The following RASA3 variants were observed in gnomAD, a reference collection of about 807,000 sequenced individuals.
The protein encoded by RASA3 is ras GTPase-activating protein 3.
A neutral mutation model predicts 110.0 loss-of-function variants in RASA3; 73 were observed. The observed-to-expected ratio is 0.66, with a 90% CI of 0.55 to 0.81. RASA3 has a LOEUF of 0.81. RASA3 is among the 30% of genes least tolerant of loss of function. The pLI, the probability that RASA3 is intolerant of heterozygous loss-of-function variation, is 0.00. For missense variants in RASA3, 976 were observed against 1,113.2 expected, an observed-to-expected ratio of 0.88 and a Z score of 1.75; for synonymous variants, 500 against 451.4, an observed-to-expected ratio of 1.11 and a Z score of -1.37.
At chr13:114,015,620 C>A (rs1210740874) in intron 13 of RASA3, among the ~76,000 whole-genome samples, 3 of 152,272 alleles carry the variant, frequency 2.0e-5, no homozygotes, top group Admixed American at 6.5e-5. Context: ...CTGCCCAAGG[C>A]AAAGAGCTCT....
At chr13:114,049,337 C>G (rs1473451428) in intron 3 of RASA3, among the ~76,000 whole-genome samples, 1 of 152,022 alleles carries the variant, frequency 6.6e-6, no homozygotes, top group Admixed American at 6.6e-5. Context: ...AGACAGCCAC[C>G]CATTTTCATA....
At chr13:114,128,452 C>T (rs2080477971) in intron 1 of RASA3, among the ~76,000 whole-genome samples, 2 of 152,248 alleles carry the variant, frequency 1.3e-5, no homozygotes, top group Non-Finnish European at 2.9e-5. Flanking sequence ...GGCCCGGAGC[C>T]CTTACCTTCT....
rs1002796333 is a variant in RASA3 at position 114,065,186 on chromosome 13, A to G, written c.173+8534T>C. Among the ~76,000 whole-genome samples the G allele has an allele frequency of 2.6e-5, 4 of 152,234 alleles. No homozygotes were observed. The highest frequency in any genetic ancestry group is 1.3e-4 in the Admixed American group (2 of 15,288). ...GGGGCTCAGCTGGGACCAGCAGAGA[A>G]ACCCCCGCCTTCTCCTCCCTGAGTC... On this transcript the variant is annotated intron_variant, in intron 2 of 23. Transcript: ENST00000334062. This position sits in a 1 kb window ranked among gnomAD's most constrained non-coding sequence, Gnocchi z 4.1.
intron 14 of RASA3, among the ~76,000 whole-genome samples, chr13:114,014,000 GTCTGTC>G (rs1566479619): frequency 2.2e-5 from 2 of 90,248 alleles, no homozygotes; most frequent in Admixed American, 1.1e-4. Context: ...ATCTCTCTCC[GTCTGTC>G]TCTGTCTCTC....
intron 1 of RASA3, among the ~76,000 whole-genome samples, chr13:114,078,318 G>A (rs533689579): frequency 3.4e-5 from 5 of 147,810 alleles, no homozygotes; most frequent in South Asian, 2.2e-4. Flanking sequence ...GAGGAAACAC[G>A]TTTTCTCTTT....
intron 2 of RASA3, among the ~76,000 whole-genome samples, chr13:114,063,252 A>T (rs989949026): frequency 6.6e-6 from 1 of 151,952 alleles, no homozygotes; most frequent in Non-Finnish European, 1.5e-5. Context: ...ATTCCAGGAA[A>T]CATCCTCCTG....
chr13:114,079,862 G>A (rs1165957033), intron 1 of RASA3, among the ~76,000 whole-genome samples: 2 of 152,154 alleles, frequency 1.3e-5, no homozygotes, highest in Admixed American at 6.5e-5. Flanking sequence ...TCCGTGGGAC[G>A]AGGCTGCACA....
At chr13:114,060,661 G>A (rs1318450232) in intron 2 of RASA3, among the ~76,000 whole-genome samples, 1 of 152,242 alleles carries the variant, frequency 6.6e-6, no homozygotes, top group African/African-American at 2.4e-5. Context: ...TGCTTCCAGT[G>A]AGGCGAGAGG....
At chr13:113,993,824 AAAAAAAAG>A (rs1176740661) in intron 21 of RASA3, among the ~76,000 whole-genome samples, 4 of 149,292 alleles carry the variant, frequency 2.7e-5, no homozygotes, top group African/African-American at 7.4e-5. Context: ...AAAAAAAAAA[AAAAAAAAG>A]AAAAGAAAAG....
At chr13:114,001,933 G>A (rs1175498494) in intron 18 of RASA3, among the ~76,000 whole-genome samples, 1 of 152,270 alleles carries the variant, frequency 6.6e-6, no homozygotes, top group African/African-American at 2.4e-5. Context: ...GAAACGTGGG[G>A]AGCAGGAGAC....
At chr13:114,023,402 G>A (rs1222907061) in intron 8 of RASA3, among the ~76,000 whole-genome samples, 1 of 152,214 alleles carries the variant, frequency 6.6e-6, no homozygotes, top group Non-Finnish European at 1.5e-5. Context: ...TCAGGAGGGA[G>A]CCGTTTCCTT....
chr13:113,990,633 G>A (rs571576207), intron 22 of RASA3, among the ~76,000 whole-genome samples: 85 of 152,246 alleles, frequency 5.6e-4, no homozygotes, highest in Non-Finnish European at 1.0e-3. Context: ...CTCAGACCCA[G>A]GGACAGCACC....
In RASA3 at chr13:114,115,603, T is replaced by G. The variant is rs1475521; in HGVS notation, c.55+16832A>C. On this transcript the variant is annotated intron_variant, in intron 1 of 23. Transcript: ENST00000334062. The surrounding 1 kb of genome is among the most constrained non-coding windows in gnomAD (Gnocchi z 5.0). ...GTCATGTCCACGCCCTCTGCAGGCC[T>G]CGTGTCCCCCTCGCTGTCGCCTGCC... Among the ~76,000 whole-genome samples, 114,068 of 152,154 alleles carry G rather than the reference T, an allele frequency of 0.75. 43,022 individuals carry two copies. The highest frequency in any genetic ancestry group is 0.81 in the Middle Eastern group (237 of 294).
At chr13:114,082,692 G>T (rs760578576) in intron 1 of RASA3, among the ~76,000 whole-genome samples, 5 of 152,160 alleles carry the variant, frequency 3.3e-5, no homozygotes, top group Non-Finnish European at 7.3e-5. Flanking sequence ...CCCAAGCAAC[G>T]TTTAGTTCAC....
chr13:114,015,198 A>G lies in RASA3; in HGVS notation c.1405+11T>C. On this transcript the variant is annotated intron_variant, in intron 14 of 23. Transcript: ENST00000334062. ...GTTTCTCAGCAACATGAGGGTGTTC[A>G]GGGCACTCACCCTGGAAGCGCTTGG... The G allele has an allele frequency of 1.2e-6, 2 of 1,612,778 alleles. No homozygotes were observed. Among genetic ancestry groups the G allele is most frequent in the Non-Finnish European group, 8.5e-7 (1 of 1,179,906 alleles).
In RASA3 at chr13:113,977,827, T is replaced by C. The variant is rs1249363755; in HGVS notation, c.*1520A>G. 1 of 152,370 alleles carries C rather than the reference T, an allele frequency of 6.6e-6. No individual in the cohort carries two copies. Among genetic ancestry groups the C allele is most frequent in the Non-Finnish European group, 1.5e-5 (1 of 68,040 alleles). 9.4% of individuals were successfully genotyped at this position (152,370 alleles called of 1,614,324 possible). A position where few individuals can be genotyped will look rare whatever the true frequency, so the allele number is the denominator to read the frequency against. On this transcript the variant is annotated 3_prime_UTR_variant, in exon 24 of 24. Coordinates refer to ENST00000334062, the MANE Select transcript of RASA3 (RefSeq NM_007368.4). Reference sequence around the variant, plus strand: ...TGTTTTAATTGGCCAGTAAAATACATTGCAAATCATTAGTATTTTATAAAC... The same window carrying C: ...TGTTTTAATTGGCCAGTAAAATACACTGCAAATCATTAGTATTTTATAAAC...
Position 114,000,814 on chromosome 13 carries a change from C to T in RASA3, c.1849+12G>A, listed in dbSNP as rs376179584. Reference sequence around the variant, plus strand: ...TCCAGCAAGAGCCAGGGAAAGCGACCTTGCTCCTTACCTTTGCTTTTGTGG... The same window carrying T: ...TCCAGCAAGAGCCAGGGAAAGCGACTTTGCTCCTTACCTTTGCTTTTGTGG... On this transcript the variant is annotated intron_variant, in intron 19 of 23. Coordinates refer to ENST00000334062, the MANE Select transcript of RASA3 (RefSeq NM_007368.4). 6.3e-7 allele frequency: 1 copy of T among 1,585,570 alleles called. No homozygotes were observed. The highest frequency in any genetic ancestry group is 8.7e-7 in the Non-Finnish European group (1 of 1,154,158).
intron 13 of RASA3, 109 bp from the exon 14 acceptor site, chr13:114,015,441 C>T: frequency 7.1e-7 from 1 of 1,418,102 alleles, no homozygotes; most frequent in Non-Finnish European, 9.6e-7. Flanking sequence ...AGGGCGGGCG[C>T]AGGGCAGCTG....
At position 114,043,428 on chromosome 13, in the gene RASA3, A is replaced by C. The variant is rs542256330; in HGVS notation, c.278-2334T>G. On this transcript the variant is annotated intron_variant, in intron 3 of 23. Coordinates refer to ENST00000334062, the MANE Select transcript of RASA3 (RefSeq NM_007368.4). ...TCTGCAAAGCAAAGCAGCCCTGGGA[A>C]CAGCCCTGGAAAAAGCCCCTTCCCA... Among the ~76,000 whole-genome samples the C allele has an allele frequency of 6.8e-4, 104 of 152,256 alleles. 1 individual carries two copies. Among genetic ancestry groups the C allele is most frequent in the Non-Finnish European group, 6.0e-4 (41 of 68,008 alleles).
Sources: allele counts gnomAD v4.1 joint callset (sites outside exome capture counted in the v4.1 genomes callset), GRCh38; gene constraint gnomAD v4.1.1; non-coding constraint Gnocchi (gnomAD v3.1); transcripts MANE v1.5; gene names NCBI Gene and HGNC (gene_info 2026-07-23, HGNC 2026-07-21).